The following CNBD1 variants were observed in gnomAD, a reference collection of about 807,000 sequenced individuals.
The protein encoded by CNBD1 is cyclic nucleotide binding domain containing 1.
CNBD1 carries 71 observed loss-of-function variants against 54.4 expected under a neutral mutation model. That is an observed-to-expected ratio of 1.30 (90% CI 1.08 to 1.59). CNBD1 has a LOEUF of 1.59. CNBD1 is among the 40% of genes most tolerant of loss of function. CNBD1 has a pLI of 0.00. For synonymous variants in CNBD1, 182 were observed against 170.7 expected (o/e 1.07, Z -0.51); for missense variants, 659 against 518.0 (o/e 1.27, Z -2.64).
At chr8:86,998,947 A>G (rs1445187900) in intron 4 of CNBD1, among the ~76,000 whole-genome samples, 3 of 152,212 alleles carry the variant, frequency 2.0e-5, no homozygotes, top group Non-Finnish European at 2.9e-5. Context: ...CAATGAACTC[A>G]TTATAAAATG....
chr8:87,085,758 G>A (rs1044918281), intron 4 of CNBD1, among the ~76,000 whole-genome samples: 4 of 152,062 alleles, frequency 2.6e-5, no homozygotes, highest in Admixed American at 2.6e-4. Flanking sequence ...GCTTCCTGTT[G>A]CTTGCTAGCC....
chr8:87,287,270 A>G (rs1372004538), intron 8 of CNBD1, among the ~76,000 whole-genome samples: 1 of 152,156 alleles, frequency 6.6e-6, no homozygotes, highest in Non-Finnish European at 1.5e-5. Context: ...TGATTTGTCC[A>G]TCTATGAAAG....
intron 6 of CNBD1, among the ~76,000 whole-genome samples, chr8:87,241,125 G>A (rs1187439185): frequency 2.6e-5 from 4 of 152,028 alleles, no homozygotes; most frequent in African/African-American, 7.2e-5. Context: ...AATCTTTGCT[G>A]CCAACTTCCT....
intron 4 of CNBD1, among the ~76,000 whole-genome samples, chr8:87,074,698 C>G (rs1337788626): frequency 6.6e-6 from 1 of 152,090 alleles, no homozygotes; most frequent in Non-Finnish European, 1.5e-5. Flanking sequence ...GGCTGTGTAC[C>G]ACTCCTGGGT....
intron 10 of CNBD1, among the ~76,000 whole-genome samples, chr8:87,370,413 G>C (rs1810754419): frequency 6.6e-6 from 1 of 152,012 alleles, no homozygotes; most frequent in African/African-American, 2.4e-5. Flanking sequence ...TTTAATGATT[G>C]CCATTCTAAC....
chr8:86,954,820 G>GT (rs1053373474), intron 4 of CNBD1, among the ~76,000 whole-genome samples: 1 of 152,166 alleles, frequency 6.6e-6, no homozygotes, highest in African/African-American at 2.4e-5. Flanking sequence ...AAGCAGGAAA[G>GT]TTGAACAATT....
intron 4 of CNBD1, among the ~76,000 whole-genome samples, chr8:86,991,588 T>C (rs1808749557): frequency 6.6e-6 from 1 of 152,140 alleles, no homozygotes; most frequent in East Asian, 1.9e-4. Context: ...CCCCCTCCAG[T>C]TCTTCTAGGT....
chr8:87,124,858 A>T (rs1811960548), intron 4 of CNBD1, among the ~76,000 whole-genome samples: 1 of 151,794 alleles, frequency 6.6e-6, no homozygotes, highest in African/African-American at 2.4e-5. Flanking sequence ...AAGAAGTAAA[A>T]TTGTCTGTAT....
chr8:86,930,638 C>T (rs557637214), intron 3 of CNBD1, among the ~76,000 whole-genome samples: 6 of 152,274 alleles, frequency 3.9e-5, no homozygotes, highest in Non-Finnish European at 5.9e-5. Context: ...ATTCTGCTTC[C>T]TCTGGTATTT....
intron 8 of CNBD1, among the ~76,000 whole-genome samples, chr8:87,292,811 ATGG>A (rs958256160): frequency 6.6e-6 from 1 of 152,150 alleles, no homozygotes; most frequent in Non-Finnish European, 1.5e-5. Context: ...GGTGATGAGC[ATGG>A]TGGTTCTAAA....
At position 87,074,938 on chromosome 8, in the gene CNBD1, G is replaced by A. The variant is rs1328041407; in HGVS notation, c.432-131055G>A. Among the ~76,000 whole-genome samples the A allele has an allele frequency of 4.6e-5, 7 of 152,212 alleles. No homozygotes were observed. In the South Asian group the frequency reaches 1.2e-3, roughly 27 times the overall value. Reference sequence around the variant, plus strand: ...GAATTGAATTTCAGTATAATTTAGTGGTTAGAAGCAGAGATCTTGGCTCTT... The same window carrying A: ...GAATTGAATTTCAGTATAATTTAGTAGTTAGAAGCAGAGATCTTGGCTCTT... On this transcript the variant is annotated intron_variant, in intron 4 of 10. Coordinates refer to ENST00000518476, the MANE Select transcript of CNBD1 (RefSeq NM_173538.3).
chr8:86,932,145 G>A lies in CNBD1; in HGVS notation c.273-7451G>A, dbSNP rs532695553. ...TAAAGCCACATTCTTTTCATTAAAG[G>A]CCAGGGTTTGATCTAATAATAGCAT... On this transcript the variant is annotated intron_variant, in intron 3 of 10. Transcript: ENST00000518476. Among the ~76,000 whole-genome samples the A allele has an allele frequency of 3.9e-5, 6 of 152,246 alleles. No individual in the cohort carries two copies. In the South Asian group the frequency reaches 1.2e-3, roughly 32 times the overall value.
chr8:86,896,821 A>T (rs1808854609), intron 2 of CNBD1, among the ~76,000 whole-genome samples: 1 of 152,196 alleles, frequency 6.6e-6, no homozygotes. Flanking sequence ...ACATGAGTTA[A>T]TCACAAAAGA....
At chr8:87,242,805 C>A (rs1003763394) in intron 6 of CNBD1, among the ~76,000 whole-genome samples, 1 of 152,100 alleles carries the variant, frequency 6.6e-6, no homozygotes, top group Non-Finnish European at 1.5e-5. Context: ...TTTTCATAGA[C>A]AATAATTTAA....
At chr8:87,331,731 G>A (rs78148669) in intron 8 of CNBD1, among the ~76,000 whole-genome samples, 8,686 of 152,112 alleles carry the variant, frequency 0.057, 809 homozygotes, top group African/African-American at 0.2. Context: ...TCTATTGTTG[G>A]TTTACTTTTT....
intron 8 of CNBD1, among the ~76,000 whole-genome samples, chr8:87,292,320 A>G (rs1424023205): frequency 6.6e-6 from 1 of 152,230 alleles, no homozygotes; most frequent in Non-Finnish European, 1.5e-5. Context: ...AAACATTAGC[A>G]CGGCATTAAG....
intron 4 of CNBD1, among the ~76,000 whole-genome samples, chr8:86,991,740 T>G (rs994963848): frequency 5.3e-5 from 8 of 152,144 alleles, no homozygotes; most frequent in African/African-American, 1.9e-4. Flanking sequence ...TTCAATGAAT[T>G]TTTTGATTTC....
chr8:87,087,216 C>T (rs533793332), intron 4 of CNBD1, among the ~76,000 whole-genome samples: 104 of 142,122 alleles, frequency 7.3e-4, no homozygotes, highest in African/African-American at 2.5e-3. Context: ...TCCCCAGTAT[C>T]TATTCTACAC....
chr8:87,213,223 T>G (rs185432864), intron 5 of CNBD1, among the ~76,000 whole-genome samples: 2 of 150,952 alleles, frequency 1.3e-5, no homozygotes, highest in African/African-American at 5.0e-5. Context: ...TGTAGAGAAG[T>G]TGGAACTCAT....
Sources: gnomAD v4.1 joint callset for allele counts (sites outside exome capture counted in the v4.1 genomes callset) on GRCh38, gnomAD v4.1.1 for gene constraint, MANE v1.5 for transcripts, NCBI Gene and HGNC (gene_info 2026-07-23, HGNC 2026-07-21) for gene names.